The following ADAP2 variants were observed in gnomAD, a reference collection of about 807,000 sequenced individuals.
ADAP2 encodes ArfGAP with dual PH domains 2, also known as arf-GAP with dual PH domain-containing protein 2.
A neutral mutation model predicts 54.9 loss-of-function variants in ADAP2; 42 were observed. The ratio of observed to expected loss-of-function variants is 0.77; its 90% CI spans 0.60 to 0.99. The LOEUF is 0.99. Among genes scored for constraint, ADAP2 ranks in the 50% least tolerant of loss-of-function variants. ADAP2 has a pLI of 0.00. For synonymous variants in ADAP2, 177 were observed against 180.1 expected, an observed-to-expected ratio of 0.98 and a Z score of 0.14; for missense variants, 429 against 480.4, an observed-to-expected ratio of 0.89 and a Z score of 1.00.
intron 7 of ADAP2, among the ~76,000 whole-genome samples, chr17:30,952,779 T>C (rs1459250779): frequency 1.3e-5 from 2 of 152,162 alleles, no homozygotes; most frequent in Admixed American, 6.5e-5. Flanking sequence ...GCACCTAGTG[T>C]AGTGGTAGGA....
At chr17:30,937,953 T>G (rs185612587) in intron 5 of ADAP2, among the ~76,000 whole-genome samples, 1 of 152,162 alleles carries the variant, frequency 6.6e-6, no homozygotes, top group Non-Finnish European at 1.5e-5. Flanking sequence ...GTGGCAGAAG[T>G]TGGATGTCTG....
chr17:30,941,884 G>T (rs1912294230), intron 5 of ADAP2, among the ~76,000 whole-genome samples: 1 of 151,942 alleles, frequency 6.6e-6, no homozygotes, highest in Non-Finnish European at 1.5e-5. Flanking sequence ...GGTTACATGG[G>T]TATATACATT....
chr17:30,950,364 G>A (rs1478664444), intron 7 of ADAP2, among the ~76,000 whole-genome samples: 1 of 152,118 alleles, frequency 6.6e-6, no homozygotes, highest in Non-Finnish European at 1.5e-5. Flanking sequence ...ATGCTGTCTC[G>A]AGCCAGGAAG....
intron 4 of ADAP2, 109 bp downstream of exon 4, chr17:30,932,077 C>T: frequency 9.6e-7 from 1 of 1,036,352 alleles, no homozygotes; most frequent in South Asian, 1.4e-5. Flanking sequence ...CTGCTGTTCT[C>T]ACTGTGGCCG....
chr17:30,945,984 T>C (rs1225356499), intron 6 of ADAP2, among the ~76,000 whole-genome samples: 4 of 150,998 alleles, frequency 2.6e-5, no homozygotes, highest in Non-Finnish European at 5.9e-5. Context: ...AAACCCCGTC[T>C]CTACTAAAAA....
intron 7 of ADAP2, 112 bp downstream of exon 7, chr17:30,949,482 C>T (rs1369482133): frequency 2.1e-6 from 2 of 944,412 alleles, no homozygotes; most frequent in South Asian, 1.4e-5. Flanking sequence ...GGCGCGGTGG[C>T]TCACGCCTGT....
In ADAP2 at chr17:30,932,030, G is replaced by A. The variant is rs1911525390; in HGVS notation, c.397+62G>A. 3.3e-6 allele frequency: 5 copies of A among 1,498,436 alleles called. No homozygotes were observed. The Admixed American group carries it at 8.7e-5, about 26-fold the overall frequency. The allele number at this position is 1,498,436 out of a possible 1,614,324, so 92.8% of individuals were successfully genotyped here. On this transcript the variant is annotated intron_variant, in intron 4 of 10. Coordinates refer to ENST00000330889, the MANE Select transcript of ADAP2 (RefSeq NM_018404.3). ...TTAATGAGCTCTAGAAAAACCAAGT[G>A]CCTAAATATTAGGAGCAAGATCCAT...
At chr17:30,933,302 C>A (rs928640417) in intron 4 of ADAP2, among the ~76,000 whole-genome samples, 1 of 151,940 alleles carries the variant, frequency 6.6e-6, no homozygotes, top group African/African-American at 2.4e-5. Flanking sequence ...ATTCTCATGC[C>A]TCAGTCTCCC....
In ADAP2 at chr17:30,949,292, A is replaced by T; in HGVS notation, c.663A>T (p.Ile221=). Residue 221 remains isoleucine (I), a synonymous_variant, in exon 7 of 11, where the codon ATA becomes ATT. Transcript: ENST00000330889. ...CTGTGCACTTCTCTCCGCAGGAGATAGTGGACTGGTTCAATGCCCTCCGTG... is the reference window on the plus strand; with the variant it reads ...CTGTGCACTTCTCTCCGCAGGAGATTGTGGACTGGTTCAATGCCCTCCGTG... The part of the protein sequence containing the change: ...LFVYHESGKE[I]VDWFNALRAA... The T allele has an allele frequency of 6.2e-7, 1 of 1,614,026 alleles. No individual in the cohort carries two copies. The highest frequency in any genetic ancestry group is 8.5e-7 in the Non-Finnish European group (1 of 1,179,884).
chr17:30,950,341 T>C (rs1172379101), intron 7 of ADAP2, among the ~76,000 whole-genome samples: 4 of 152,054 alleles, frequency 2.6e-5, no homozygotes, highest in Admixed American at 6.6e-5. Context: ...ACCCGCATGG[T>C]GTAGGGCAGA....
At chr17:30,953,718 G>C (rs551683633) in intron 8 of ADAP2, among the ~76,000 whole-genome samples, 1 of 152,038 alleles carries the variant, frequency 6.6e-6, no homozygotes, top group African/African-American at 2.4e-5. Flanking sequence ...TGTAATTTTA[G>C]TAGAGATGGG....
At position 30,928,421 on chromosome 17, in the gene ADAP2, G is replaced by A. The variant is rs139632789; in HGVS notation, c.317+1503G>A. ...TGAGGGAGGAGAATCGCTTGAACCC[G>A]AGAGGTGGAGGTTGCAGAGATTGCA... On this transcript the variant is annotated intron_variant, in intron 3 of 10. Coordinates refer to ENST00000330889, the MANE Select transcript of ADAP2 (RefSeq NM_018404.3). Among the ~76,000 whole-genome samples, 590 of 151,798 alleles carry A rather than the reference G, an allele frequency of 3.9e-3. 2 individuals carry two copies. The highest frequency in any genetic ancestry group is 0.013 in the African/African-American group (544 of 41,374).
intron 5 of ADAP2, among the ~76,000 whole-genome samples, chr17:30,935,456 G>T (rs1598035238): frequency 6.6e-6 from 1 of 152,294 alleles, no homozygotes; most frequent in South Asian, 2.1e-4. Context: ...GCTGCAGAGT[G>T]ATCAGGGAAG....
intron 9 of ADAP2, 128 bp from the exon 10 acceptor site, chr17:30,956,113 C>T (rs1905046793): frequency 2.8e-6 from 2 of 708,278 alleles, no homozygotes; most frequent in African/African-American, 1.8e-5. Flanking sequence ...ATTCTGGGTC[C>T]CACTTAGCAG....
Position 30,934,071 on chromosome 17 carries a change from T to C in ADAP2, c.398-114T>C, listed in dbSNP as rs147556983. 5.7e-6 allele frequency: 4 copies of C among 702,392 alleles called. No homozygotes were observed. In the African/African-American group the frequency reaches 7.1e-5, roughly 13 times the overall value. The allele number at this position is 702,392 out of a possible 1,614,324, so 43.5% of individuals were successfully genotyped here. On this transcript the variant is annotated intron_variant, in intron 4 of 10. Transcript: ENST00000330889. ...TGAAATAGGGAAGTCTGAGTGGAGA[T>C]ACTTTGGCAGCAGATGGAAGGCTTA... is the stretch of plus-strand genomic sequence containing the variant.
At chr17:30,950,294 G>C (rs1904533912) in intron 7 of ADAP2, among the ~76,000 whole-genome samples, 1 of 152,224 alleles carries the variant, frequency 6.6e-6, no homozygotes, top group Non-Finnish European at 1.5e-5. Flanking sequence ...CAGACTTCTG[G>C]GGCCTTCATC....
In ADAP2 at chr17:30,958,934, C is replaced by T. The variant is rs1474158728; in HGVS notation, c.*1065C>T. The T allele has an allele frequency of 1.3e-5, 2 of 152,030 alleles. No individual in the cohort carries two copies. The highest frequency in any genetic ancestry group is 2.4e-5 in the African/African-American group (1 of 41,388). The allele number at this position is 152,030 out of a possible 1,614,324, so 9.4% of individuals were successfully genotyped here. A position where few individuals can be genotyped will look rare whatever the true frequency, so the allele number is the denominator to read the frequency against. On this transcript the variant is annotated 3_prime_UTR_variant, in exon 11 of 11. Coordinates refer to ENST00000330889, the MANE Select transcript of ADAP2 (RefSeq NM_018404.3). ...ATTGTATGGGACTTTCCTTTGGATC[C>T]CCCAATCAAAGGATAAGCAATGCGT...
chr17:30,931,821 C>A lies in ADAP2; in HGVS notation c.318-68C>A, dbSNP rs1911502853. ...TCCAGCCTGGGCAACAGAGGGAGACCCTGTCTCAAAAAAAAAAAAAAAAGA... is the reference window on the plus strand; with the variant it reads ...TCCAGCCTGGGCAACAGAGGGAGACACTGTCTCAAAAAAAAAAAAAAAAGA... On this transcript the variant is annotated intron_variant, in intron 3 of 10. Coordinates refer to ENST00000330889, the MANE Select transcript of ADAP2 (RefSeq NM_018404.3). 4.8e-5 allele frequency: 58 copies of A among 1,208,502 alleles called. No homozygotes were observed. The South Asian group carries it at 7.3e-4, about 15-fold the overall frequency. 74.9% of individuals were successfully genotyped at this position (1,208,502 alleles called of 1,614,324 possible).
chr17:30,944,295 T>C (rs1231579649), intron 5 of ADAP2, among the ~76,000 whole-genome samples: 2 of 151,956 alleles, frequency 1.3e-5, no homozygotes, highest in East Asian at 3.9e-4. Flanking sequence ...AACCAAATGT[T>C]CTAACATATA....
Sources: allele counts gnomAD v4.1 joint callset (sites outside exome capture counted in the v4.1 genomes callset), GRCh38; gene constraint gnomAD v4.1.1; transcripts MANE v1.5; gene names NCBI Gene and HGNC (gene_info 2026-07-23, HGNC 2026-07-21).